ARHGAP10: variants seen among roughly 807,000 people sequenced by gnomAD.
ARHGAP10 encodes the protein Rho GTPase activating protein 10.
In ARHGAP10, 87 loss-of-function variants were observed where a neutral mutation model predicts 108.6. The observed-to-expected ratio is 0.80, with a 90% CI of 0.67 to 0.96. The LOEUF (loss-of-function observed/expected upper bound fraction) is 0.96, where lower values mean the gene tolerates loss of function less well. Ranked by LOEUF, ARHGAP10 falls within the 40% of genes least tolerant of loss-of-function variation. The pLI is 0.00. For synonymous variants in ARHGAP10, 347 were observed against 341.1 expected (o/e 1.02, Z -0.19); for missense variants, 939 against 954.5 (o/e 0.98, Z 0.21).
At chr4:147,999,770 G>A (rs1038877783) in intron 18 of ARHGAP10, among the ~76,000 whole-genome samples, 28 of 152,234 alleles carry the variant, frequency 1.8e-4, no homozygotes, top group African/African-American at 5.5e-4. Context: ...TTTTGGAAGC[G>A]GCTGGTCACC....
intron 1 of ARHGAP10, among the ~76,000 whole-genome samples, chr4:147,752,807 G>A (rs781348046): frequency 2.3e-4 from 35 of 152,242 alleles, no homozygotes; most frequent in Non-Finnish European, 3.7e-4. Context: ...GATTACAGGC[G>A]TGAGCTGCCG....
At chr4:147,898,088 A>G (rs1241110631) in intron 10 of ARHGAP10, among the ~76,000 whole-genome samples, 1 of 151,886 alleles carries the variant, frequency 6.6e-6, no homozygotes, top group Non-Finnish European at 1.5e-5. Context: ...TTTTTTTAAC[A>G]CTAACGTATT....
In ARHGAP10 at chr4:148,066,162, G is replaced by A. The variant is rs191087001; in HGVS notation, c.2272+1655G>A. ...TCTGTCTTGTTTCCCTGGCGGGAGC[G>A]AGATGACTACCACAGTTCCATGTAT... On this transcript the variant is annotated intron_variant, in intron 22 of 22. Coordinates refer to ENST00000336498, the MANE Select transcript of ARHGAP10 (RefSeq NM_024605.4). 1.4e-4 allele frequency among the ~76,000 whole-genome samples: 22 copies of A among 152,242 alleles called. 1 individual carries two copies. Among genetic ancestry groups the A allele is most frequent in the Admixed American group, 9.1e-4 (14 of 15,304 alleles).
chr4:147,946,898 A>G (rs970463678), intron 15 of ARHGAP10, among the ~76,000 whole-genome samples, 194 bp downstream of exon 15: 1 of 152,222 alleles, frequency 6.6e-6, no homozygotes, highest in African/African-American at 2.4e-5. Context: ...GTAAATTGCA[A>G]CAGAACAGAA....
chr4:147,866,885 A>G, intron 7 of ARHGAP10, 69 bp downstream of exon 7: 1 of 1,331,456 alleles, frequency 7.5e-7, no homozygotes, highest in South Asian at 1.2e-5. Context: ...TGTTGTATGA[A>G]AAGCCTTAAT....
intron 17 of ARHGAP10, 42 bp downstream of exon 17, chr4:147,965,171 C>T: frequency 1.3e-6 from 2 of 1,512,828 alleles, no homozygotes; most frequent in Non-Finnish European, 1.8e-6. Context: ...TCACTTTGCT[C>T]TAGGTGCTGG....
At chr4:147,933,244 G>A (rs1260912363) in intron 13 of ARHGAP10, among the ~76,000 whole-genome samples, 1 of 152,076 alleles carries the variant, frequency 6.6e-6, no homozygotes, top group East Asian at 1.9e-4. Flanking sequence ...TAGGGACAAG[G>A]TTTTGCTATG....
intron 1 of ARHGAP10, among the ~76,000 whole-genome samples, chr4:147,748,582 G>C (rs1316744156): frequency 6.6e-6 from 1 of 152,118 alleles, no homozygotes; most frequent in Non-Finnish European, 1.5e-5. Flanking sequence ...GGAAACTTTT[G>C]GATGTGATAG....
chr4:147,813,524 A>G (rs1242809844), intron 1 of ARHGAP10, among the ~76,000 whole-genome samples: 2 of 152,248 alleles, frequency 1.3e-5, no homozygotes, highest in East Asian at 1.9e-4. Context: ...AAAGAATGCC[A>G]TGAACTAATG....
chr4:148,063,998 C>A (rs1402494046), intron 21 of ARHGAP10, among the ~76,000 whole-genome samples: 1 of 152,220 alleles, frequency 6.6e-6, no homozygotes, highest in Non-Finnish European at 1.5e-5. Context: ...TGGTTTCTCA[C>A]CTGTGGAGTG....
At chr4:148,061,074 CG>C (rs1389999341) in intron 20 of ARHGAP10, among the ~76,000 whole-genome samples, 3 of 149,938 alleles carry the variant, frequency 2.0e-5, no homozygotes, top group Non-Finnish European at 4.4e-5. Context: ...CACCCACCCG[CG>C]GGTGTTTTCA....
chr4:147,967,330 C>G lies in ARHGAP10; in HGVS notation c.1716+491C>G, dbSNP rs563721641. Among the ~76,000 whole-genome samples the G allele has an allele frequency of 1.5e-4, 23 of 152,344 alleles. 1 individual carries two copies. The South Asian group carries it at 4.3e-3, about 29-fold the overall frequency. On this transcript the variant is annotated intron_variant, in intron 18 of 22. Coordinates refer to ENST00000336498, the MANE Select transcript of ARHGAP10 (RefSeq NM_024605.4). ...AGTGAAGCCAGCCCCTGCTCTGCAC[C>G]TGGGAAACCGCCTGCCTTGCAAAGA...
chr4:147,874,983 G>T (rs1310775063), intron 7 of ARHGAP10, 38 bp from the exon 8 acceptor site: 3 of 1,520,712 alleles, frequency 2.0e-6, no homozygotes, highest in African/African-American at 1.4e-5. Context: ...ACTCATATGA[G>T]AACTTAACAT....
Position 147,825,163 on chromosome 4 carries a change from G to C in ARHGAP10, c.312+2206G>C, listed in dbSNP as rs188794437. Among the ~76,000 whole-genome samples the C allele has an allele frequency of 3.6e-3, 389 of 108,028 alleles. 1 individual carries two copies. Among genetic ancestry groups the C allele is most frequent in the Non-Finnish European group, 5.2e-3 (280 of 53,494 alleles). 70.9% of individuals were successfully genotyped at this position (108,028 alleles called of 152,430 possible). On this transcript the variant is annotated intron_variant, in intron 3 of 22. Coordinates refer to ENST00000336498, the MANE Select transcript of ARHGAP10 (RefSeq NM_024605.4). ...ACTGATTTGGATTTAAAAAGTGACA[G>C]AGGGCTGGGCGCAGTGGCTGATGCC...
intron 20 of ARHGAP10, among the ~76,000 whole-genome samples, chr4:148,058,388 T>C (rs1729453750): frequency 6.6e-6 from 1 of 152,250 alleles, no homozygotes; most frequent in Admixed American, 6.5e-5. Flanking sequence ...TTCATTTCTT[T>C]TCTTAATGCG....
Position 148,065,979 on chromosome 4 carries a change from C to CA in ARHGAP10, c.2272+1489dup, listed in dbSNP as rs34551897. On this transcript the variant is annotated intron_variant, in intron 22 of 22. Coordinates refer to ENST00000336498, the MANE Select transcript of ARHGAP10 (RefSeq NM_024605.4). ...TGGATAACACAGTGAGACCCCATCT[C>CA]AAAAAAAAAAAAAAAAAGGGTTGAG... is the stretch of plus-strand genomic sequence containing the variant. Among the ~76,000 whole-genome samples the CA allele has an allele frequency of 4.2e-3, 417 of 98,558 alleles. 10 individuals carry two copies. Among genetic ancestry groups the CA allele is most frequent in the African/African-American group, 7.9e-3 (189 of 24,030 alleles). The allele number at this position is 98,558 out of a possible 152,430, so 64.7% of individuals were successfully genotyped here. A position where few individuals can be genotyped will look rare whatever the true frequency, so the allele number is the denominator to read the frequency against.
chr4:147,848,032 G>A (rs1733704589), intron 4 of ARHGAP10, among the ~76,000 whole-genome samples: 1 of 151,840 alleles, frequency 6.6e-6, no homozygotes, highest in Non-Finnish European at 1.5e-5. Context: ...ATCAATTTTA[G>A]GTAGGGAAGG....
At position 148,064,463 on chromosome 4, in the gene ARHGAP10, A is replaced by G. The variant is rs483352829; in HGVS notation, c.2228A>G (p.His743Arg). 4.3e-6 allele frequency: 7 copies of G among 1,614,086 alleles called. No individual in the cohort carries two copies. The Admixed American group carries it at 8.3e-5, about 19-fold the overall frequency. The change falls in exon 22 of 23, where the codon CAC (histidine) becomes CGC (arginine). Residue 743 changes from histidine (H) to arginine (R), a missense_variant. By Grantham distance (29) the His-to-Arg change is conservative. Coordinates refer to ENST00000336498, the MANE Select transcript of ARHGAP10 (RefSeq NM_024605.4). ...ARAVYPCEAEHSSELSFEIGA... is the reference protein window; with the variant it reads ...ARAVYPCEAERSSELSFEIGA... Reference sequence around the variant, plus strand: ...GCCGTGTATCCGTGTGAAGCAGAACACAGCTCGGAATTATCTTTTGAAATA... The same window carrying G: ...GCCGTGTATCCGTGTGAAGCAGAACGCAGCTCGGAATTATCTTTTGAAATA...
chr4:147,834,539 C>A (rs2126801522), intron 3 of ARHGAP10, among the ~76,000 whole-genome samples: 1 of 152,152 alleles, frequency 6.6e-6, no homozygotes, highest in South Asian at 2.1e-4. Flanking sequence ...TTTTAAGGCC[C>A]CACCTCTCAA....
Sources: gnomAD v4.1 joint callset for allele counts (sites outside exome capture counted in the v4.1 genomes callset) on GRCh38, gnomAD v4.1.1 for gene constraint, MANE v1.5 for transcripts, NCBI Gene and HGNC (gene_info 2026-07-23, HGNC 2026-07-21) for gene names.